BCL3: variants seen among roughly 807,000 people sequenced by gnomAD.
The protein encoded by BCL3 is B-cell lymphoma 3 protein.
Under a neutral mutation model 35.7 loss-of-function variants are expected in BCL3, and 15 were observed. The observed-to-expected ratio is 0.42, with a 90% confidence interval of 0.28 to 0.65. The LOEUF (loss-of-function observed/expected upper bound fraction) is 0.65. Ranked by LOEUF, BCL3 falls within the 30% of genes least tolerant of loss-of-function variation. BCL3 has a pLI of 0.22. For synonymous variants in BCL3, 311 were observed against 284.3 expected, an observed-to-expected ratio of 1.09 and a Z score of -0.95; for missense variants, 565 against 641.7, an observed-to-expected ratio of 0.88 and a Z score of 1.29.
rs1967339627 is a variant in BCL3 at position 44,758,324 on chromosome 19, C to G, written c.970C>G (p.Leu324Val). Reference protein sequence around the residue: ...HSASGRGLLPLVRTLVRSGAD... With the variant: ...HSASGRGLLPVVRTLVRSGAD... ...AGCGTCCGGCCGCGGGCTCCTCCCG[C>G]TGGTGCGCACGCTGGTCCGCAGCGG... Residue 324 changes from leucine to valine, a missense_variant, in exon 7 of 9, where the codon CTG (leucine) becomes GTG (valine). Transcript: ENST00000164227. The G allele has an allele frequency of 6.4e-7, 1 of 1,571,966 alleles. No individual in the cohort carries two copies.
intron 2 of BCL3, among the ~76,000 whole-genome samples, chr19:44,753,535 C>G (rs369237831): frequency 3.4e-4 from 52 of 152,346 alleles, no homozygotes; most frequent in Non-Finnish European, 5.0e-4. Context: ...CAGCCTCCCC[C>G]CTCCTGGCGC....
upstream of BCL3, chr19:44,748,536 G>A (rs1281566931): frequency 4.2e-6 from 1 of 239,050 alleles, no homozygotes; most frequent in East Asian, 1.7e-4. Context: ...GGGGGCAAGC[G>A]GGGCGCGGCG....
In BCL3 at chr19:44,749,056, C is replaced by T. The variant is rs546571221; in HGVS notation, c.256+10C>T. ...GCGCTTTACTACCCCGGTGAGTGGC[C>T]CCCGAGGGTCCGGGCCGGGTGGGAT... On this transcript the variant is annotated intron_variant, in intron 1 of 8. Coordinates refer to ENST00000164227, the MANE Select transcript of BCL3 (RefSeq NM_005178.5). 15 of 1,303,766 alleles carry T rather than the reference C, an allele frequency of 1.2e-5. No homozygotes were observed. The East Asian group carries it at 4.8e-4, about 41-fold the overall frequency. 80.8% of individuals were successfully genotyped at this position (1,303,766 alleles called of 1,614,324 possible).
At chr19:44,754,098 C>T (rs1412518362) in intron 2 of BCL3, among the ~76,000 whole-genome samples, 2 of 152,156 alleles carry the variant, frequency 1.3e-5, no homozygotes, top group East Asian at 1.9e-4. Flanking sequence ...GTTTGAGGCG[C>T]TGTATTTCTG....
At chr19:44,748,374 A>G (rs1967105237), upstream of BCL3, among the ~76,000 whole-genome samples, 1 of 152,118 alleles carries the variant, frequency 6.6e-6, no homozygotes, top group Non-Finnish European at 1.5e-5. Context: ...AGATAGGGCC[A>G]GAAAGACAAA....
At chr19:44,747,984 G>T (rs1459314761), upstream of BCL3, 1 of 1,327,780 alleles carries the variant, frequency 7.5e-7, no homozygotes, top group African/African-American at 1.5e-5. Flanking sequence ...GGCACGTGGA[G>T]TGGCAGAGAT....
intron 2 of BCL3, among the ~76,000 whole-genome samples, chr19:44,752,407 A>C (rs914891709): frequency 2.0e-5 from 3 of 150,570 alleles, no homozygotes; most frequent in African/African-American, 7.3e-5. Flanking sequence ...CAGTCTTGCT[A>C]TGTTGCCCAG....
chr19:44,756,333 T>C lies in BCL3; in HGVS notation c.512T>C (p.Leu171Pro). ...CGGGAGCTCGACATCTACAACAACC[T>C]ACGGCAGGTGAGGCTCGGTCTGAGG... ...GGRELDIYNN[L>P]RQTPLHLAVI... The change falls in exon 3 of 9, where the codon CTA (leucine) becomes CCA (proline). Residue 171 changes from leucine (L) to proline (P), a missense_variant. Around this residue, in one of 5 missense-constraint regions of BCL3, gnomAD observed 267 missense variants for 281.5 expected, o/e 0.95. Transcript: ENST00000164227. 6.6e-7 allele frequency: 1 copy of C among 1,505,780 alleles called. No homozygotes were observed. Among genetic ancestry groups the C allele is most frequent in the Non-Finnish European group, 8.9e-7 (1 of 1,121,086 alleles). The allele number at this position is 1,505,780 out of a possible 1,614,324, so 93.3% of individuals were successfully genotyped here. A position where few individuals can be genotyped will look rare whatever the true frequency, so the allele number is the denominator to read the frequency against.
At chr19:44,749,682 C>T (rs1967140220) in intron 1 of BCL3, among the ~76,000 whole-genome samples, 1 of 152,040 alleles carries the variant, frequency 6.6e-6, no homozygotes, top group African/African-American at 2.4e-5. Flanking sequence ...CTTGAGGACC[C>T]AGGAGAACAG....
chr19:44,757,412 A>G lies in BCL3; in HGVS notation c.810A>G (p.Ala270=), dbSNP rs1381662197. Residue 270 remains alanine, a synonymous_variant, in exon 5 of 9, where the codon GCA becomes GCG. Coordinates refer to ENST00000164227, the MANE Select transcript of BCL3 (RefSeq NM_005178.5). This position sits in a 1 kb window ranked among gnomAD's most constrained non-coding sequence, Gnocchi z 8.4. ...LLLERGADID[A]VDIKSGRSPL... ...TAGAGCGCGGTGCCGACATCGACGC[A>G]GTGGTGAGCGTGCACTAGGAGCTGG... 15 of 1,461,246 alleles carry G rather than the reference A, an allele frequency of 1.0e-5. No homozygotes were observed. Among genetic ancestry groups the G allele is most frequent in the Non-Finnish European group, 1.3e-5 (14 of 1,089,886 alleles). 90.5% of individuals were successfully genotyped at this position (1,461,246 alleles called of 1,614,324 possible).
intron 1 of BCL3, 115 bp downstream of exon 1, chr19:44,749,161 C>A: frequency 2.4e-6 from 1 of 414,140 alleles, no homozygotes; most frequent in Non-Finnish European, 3.7e-6. Flanking sequence ...ACCTGGGGGA[C>A]AAGAGGATAT....
intron 7 of BCL3, 153 bp from the exon 8 acceptor site, chr19:44,758,571 G>C (rs2122309951): frequency 7.9e-7 from 1 of 1,272,322 alleles, no homozygotes; most frequent in East Asian, 2.5e-5. Context: ...TTCCAGAAAT[G>C]AGGAGAGACT....
intron 2 of BCL3, among the ~76,000 whole-genome samples, chr19:44,752,219 GAGAC>G (rs1967194930): frequency 7.8e-6 from 1 of 127,894 alleles, no homozygotes; most frequent in Non-Finnish European, 1.6e-5. Context: ...TTTTTTTTCT[GAGAC>G]AGGGTCTCGA....
chr19:44,750,841 C>G (rs900491954), intron 1 of BCL3, among the ~76,000 whole-genome samples: 14 of 152,174 alleles, frequency 9.2e-5, no homozygotes, highest in African/African-American at 3.4e-4. Context: ...TCTCCCCAAA[C>G]CCACTCTACA....
intron 2 of BCL3, among the ~76,000 whole-genome samples, chr19:44,753,675 G>A (rs1967224792): frequency 6.6e-6 from 1 of 152,124 alleles, no homozygotes; most frequent in Non-Finnish European, 1.5e-5. Flanking sequence ...GGAGGGCGGG[G>A]GACGCTAAGT....
chr19:44,752,149 G>A (rs1028054161), intron 2 of BCL3, among the ~76,000 whole-genome samples: 11 of 150,188 alleles, frequency 7.3e-5, no homozygotes, highest in African/African-American at 2.2e-4. Context: ...AACAATACTC[G>A]CCCTTACTAT....
intron 8 of BCL3, 53 bp downstream of exon 8, chr19:44,758,894 G>T: frequency 7.0e-7 from 1 of 1,420,572 alleles, no homozygotes. Context: ...TCAGACCCAG[G>T]AATCCCAACC....
chr19:44,751,114 C>A, intron 1 of BCL3, 113 bp from the exon 2 acceptor site: 1 of 1,371,454 alleles, frequency 7.3e-7, no homozygotes, highest in South Asian at 1.4e-5. Context: ...CAAAAGGGAC[C>A]CAGGAGAAAG....
Position 44,759,559 on chromosome 19 carries a change from G to A in BCL3, c.1309G>A (p.Val437Ile), listed in dbSNP as rs750127828. The A allele has an allele frequency of 2.5e-6, 4 of 1,611,908 alleles. No homozygotes were observed. Among genetic ancestry groups the A allele is most frequent in the Non-Finnish European group, 3.4e-6 (4 of 1,179,564 alleles). ...ACCCGCCTTCCTGCCCTTTGCTGGG[G>A]TCCTCCGAGGCCCTGGCCGGCCGGT... is the stretch of plus-strand genomic sequence containing the variant. ...SPPAFLPFAG[V>I]LRGPGRPVPP... Residue 437 changes from valine (V) to isoleucine (I), a missense_variant, in exon 9 of 9, where the codon GTC becomes ATC. Transcript: ENST00000164227.
Sources: gnomAD v4.1 joint callset for allele counts (sites outside exome capture counted in the v4.1 genomes callset) on GRCh38, gnomAD v4.1.1 for gene constraint, gnomAD v4.1.1 regional missense constraint, Gnocchi (gnomAD v3.1) non-coding constraint, MANE v1.5 for transcripts, NCBI Gene and HGNC (gene_info 2026-07-23, HGNC 2026-07-21) for gene names.